PPP2R2C: variants seen among roughly 807,000 people sequenced by gnomAD.
PPP2R2C encodes the protein protein phosphatase 2, regulatory subunit B, gamma.
A neutral mutation model predicts 45.3 loss-of-function variants in PPP2R2C; 10 were observed. The observed-to-expected ratio is 0.22, with a 90% CI of 0.14 to 0.37. The LOEUF is 0.37. Among genes scored for constraint, PPP2R2C ranks in the 10% least tolerant of loss-of-function variants. The pLI, the probability that PPP2R2C is intolerant of heterozygous loss-of-function variation, is 1.00. For missense variants in PPP2R2C, 308 were observed against 619.7 expected (o/e 0.50, Z 5.34); for synonymous variants, 257 against 245.4 (o/e 1.05, Z -0.44).
intron 2 of PPP2R2C, among the ~76,000 whole-genome samples, chr4:6,528,831 G>A (rs1160637386): frequency 2.0e-5 from 3 of 152,088 alleles, no homozygotes; most frequent in Admixed American, 1.3e-4. Flanking sequence ...ACTCCTGCCC[G>A]CCAGAGAACA....
intron 1 of PPP2R2C, chr4:6,381,477 T>C (rs1217284102): frequency 7.3e-7 from 1 of 1,367,958 alleles, no homozygotes; most frequent in African/African-American, 1.5e-5. Context: ...CAGGCCCCCA[T>C]GCTCCAGCAA....
intron 1 of PPP2R2C, among the ~76,000 whole-genome samples, chr4:6,543,986 T>A (rs1724892665): frequency 6.6e-6 from 1 of 152,160 alleles, no homozygotes; most frequent in Non-Finnish European, 1.5e-5. Flanking sequence ...AGGATCTGCC[T>A]TCCATGGAAG....
chr4:6,425,487 G>A (rs1432949780), intron 1 of PPP2R2C, among the ~76,000 whole-genome samples: 3 of 152,208 alleles, frequency 2.0e-5, no homozygotes, highest in Non-Finnish European at 4.4e-5. Flanking sequence ...GTCTGGGGGT[G>A]TCCCCACCAG....
chr4:6,482,188 C>G (rs908375602), intron 2 of PPP2R2C, among the ~76,000 whole-genome samples: 1 of 152,152 alleles, frequency 6.6e-6, no homozygotes, highest in African/African-American at 2.4e-5. Flanking sequence ...ATAACAATAA[C>G]AACCATTTAT....
intron 1 of PPP2R2C, chr4:6,384,054 G>A (rs532229073): frequency 1.1e-5 from 11 of 985,440 alleles, no homozygotes; most frequent in Non-Finnish European, 1.3e-5. Flanking sequence ...GCAGCTCTGT[G>A]GGAACACGGA....
At position 6,329,505 on chromosome 4, in the gene PPP2R2C, C is replaced by T; in HGVS notation, c.961-152G>A. 2 of 671,944 alleles carry T rather than the reference C, an allele frequency of 3.0e-6. No individual in the cohort carries two copies. Among genetic ancestry groups the T allele is most frequent in the South Asian group, 1.8e-5 (1 of 56,666 alleles). The allele number at this position is 671,944 out of a possible 1,614,324, so 41.6% of individuals were successfully genotyped here. ...CTCAGCGAGGGTCTGAATGCTCTGA[C>T]ACAGCCCGACACAGCCCTGCTCATC... On this transcript the variant is annotated intron_variant, in intron 7 of 8. Coordinates refer to ENST00000382599, the MANE Select transcript of PPP2R2C (RefSeq NM_020416.4). This position sits in a 1 kb window ranked among gnomAD's most constrained non-coding sequence, Gnocchi z 5.8.
intron 1 of PPP2R2C, among the ~76,000 whole-genome samples, chr4:6,417,211 C>T (rs764478460): frequency 2.0e-5 from 3 of 152,056 alleles, no homozygotes; most frequent in Middle Eastern, 6.8e-3. Flanking sequence ...GCAGACCCCA[C>T]GAGGAGGAGG....
intron 2 of PPP2R2C, among the ~76,000 whole-genome samples, chr4:6,518,088 A>G (rs997291016): frequency 2.0e-5 from 3 of 152,266 alleles, no homozygotes; most frequent in Admixed American, 6.5e-5. Flanking sequence ...GAGAAATTCA[A>G]AAGTATTTTG....
intron 2 of PPP2R2C, among the ~76,000 whole-genome samples, chr4:6,523,925 GTTTTTT>G (rs1456101119): frequency 2.0e-4 from 30 of 152,044 alleles, no homozygotes; most frequent in Middle Eastern, 6.8e-3. Context: ...TTTTGTTTTT[GTTTTTT>G]TGAGACAGTT....
intron 2 of PPP2R2C, among the ~76,000 whole-genome samples, chr4:6,480,058 T>G (rs776550619): frequency 5.9e-5 from 9 of 152,112 alleles, no homozygotes; most frequent in Admixed American, 2.0e-4. Flanking sequence ...GAGATATGGC[T>G]GAAGTTCCTT....
At chr4:6,413,094 C>G (rs1328723805) in intron 1 of PPP2R2C, among the ~76,000 whole-genome samples, 1 of 152,108 alleles carries the variant, frequency 6.6e-6, no homozygotes, top group Non-Finnish European at 1.5e-5. Flanking sequence ...GAAACTTACA[C>G]AGTCATTTTC....
chr4:6,460,487 T>C (rs549131337), intron 1 of PPP2R2C, among the ~76,000 whole-genome samples: 8 of 152,304 alleles, frequency 5.3e-5, no homozygotes, highest in South Asian at 4.1e-4. Flanking sequence ...CACTGTGTTA[T>C]AGAAGTCCCA....
At chr4:6,374,592 T>C (rs1715145293) in intron 4 of PPP2R2C, among the ~76,000 whole-genome samples, 1 of 152,172 alleles carries the variant, frequency 6.6e-6, no homozygotes, top group Non-Finnish European at 1.5e-5. Context: ...TTTTATGGGA[T>C]GTATGGGAGT....
intron 1 of PPP2R2C, among the ~76,000 whole-genome samples, chr4:6,538,866 T>C (rs1387240825): frequency 6.6e-6 from 1 of 152,178 alleles, no homozygotes; most frequent in African/African-American, 2.4e-5. Context: ...CTTGTCGGTG[T>C]ATCACTGCTG....
intron 1 of PPP2R2C, among the ~76,000 whole-genome samples, chr4:6,551,198 T>C (rs1725173516): frequency 6.6e-6 from 1 of 152,150 alleles, no homozygotes; most frequent in South Asian, 2.1e-4. Context: ...TCCAGGGGGA[T>C]TGGAGGCTAC....
intron 1 of PPP2R2C, among the ~76,000 whole-genome samples, chr4:6,453,050 C>G (rs192391934): frequency 4.5e-4 from 68 of 152,326 alleles, no homozygotes; most frequent in Non-Finnish European, 9.0e-4. Context: ...AGGATGGATG[C>G]GTGTGGCTCC....
intron 1 of PPP2R2C, among the ~76,000 whole-genome samples, chr4:6,463,186 G>T (rs1421684612): frequency 3.9e-5 from 6 of 152,228 alleles, no homozygotes; most frequent in Non-Finnish European, 2.9e-5. Flanking sequence ...ATTCAATTCT[G>T]CCTGAAAGCC....
intron 1 of PPP2R2C, among the ~76,000 whole-genome samples, chr4:6,438,931 C>A (rs1055333949): frequency 6.6e-6 from 1 of 152,212 alleles, no homozygotes; most frequent in Admixed American, 6.5e-5. Flanking sequence ...GGAGACAGAG[C>A]ATGATCAGAT....
At chr4:6,477,360 A>G (rs956566853), upstream of PPP2R2C, among the ~76,000 whole-genome samples, 5 of 152,156 alleles carry the variant, frequency 3.3e-5, no homozygotes, top group African/African-American at 7.2e-5. Flanking sequence ...TTGATCCACA[A>G]CCTTCTTAAA....
Sources: gnomAD v4.1 joint callset for allele counts (sites outside exome capture counted in the v4.1 genomes callset) on GRCh38, gnomAD v4.1.1 for gene constraint, Gnocchi (gnomAD v3.1) non-coding constraint, MANE v1.5 for transcripts, NCBI Gene and HGNC (gene_info 2026-07-23, HGNC 2026-07-21) for gene names.